The following CLYBL variants were observed in gnomAD, a reference collection of about 807,000 sequenced individuals.
The protein encoded by CLYBL is citramalyl-CoA lyase.
CLYBL carries 31 observed loss-of-function variants against 38.9 expected under a neutral mutation model. That is an observed-to-expected ratio of 0.80 (90% CI 0.60 to 1.08). The LOEUF is 1.08. Ranked by LOEUF, CLYBL falls within the 50% of genes least tolerant of loss-of-function variation. CLYBL has a pLI of 0.00. For synonymous variants in CLYBL, 171 were observed against 158.6 expected (o/e 1.08, Z -0.59); for missense variants, 434 against 411.6 (o/e 1.05, Z -0.47).
intron 1 of CLYBL, among the ~76,000 whole-genome samples, chr13:99,609,310 G>T (rs1274643450): frequency 6.6e-5 from 10 of 150,786 alleles, no homozygotes; most frequent in Non-Finnish European, 1.3e-4. Flanking sequence ...CCGAGTAGTT[G>T]GGATTACAGG....
chr13:99,796,927 CT>C (rs1017589486), intron 2 of CLYBL, among the ~76,000 whole-genome samples: 3 of 152,112 alleles, frequency 2.0e-5, no homozygotes, highest in Non-Finnish European at 4.4e-5. Context: ...AGGCTCTTGG[CT>C]TTGTGAAGAG....
At chr13:99,625,966 G>A (rs951331040) in intron 1 of CLYBL, among the ~76,000 whole-genome samples, 4 of 152,326 alleles carry the variant, frequency 2.6e-5, no homozygotes, top group Non-Finnish European at 4.4e-5. Context: ...AGAAGGGTGC[G>A]GTGTGAGGTG....
intron 1 of CLYBL, among the ~76,000 whole-genome samples, chr13:99,625,351 G>T (rs568507776): frequency 2.0e-5 from 3 of 152,196 alleles, no homozygotes; most frequent in African/African-American, 7.2e-5. Context: ...GATTAGCAGC[G>T]TTTAGGCTCC....
chr13:99,751,264 A>T (rs2048952034), intron 1 of CLYBL, among the ~76,000 whole-genome samples: 1 of 151,640 alleles, frequency 6.6e-6, no homozygotes, highest in African/African-American at 2.4e-5. Context: ...TCTGTCACCC[A>T]GGCTGGAGTG....
intron 1 of CLYBL, among the ~76,000 whole-genome samples, chr13:99,716,787 CTT>C (rs1260332084): frequency 3.0e-5 from 3 of 100,896 alleles, no homozygotes; most frequent in Middle Eastern, 8.2e-3. Flanking sequence ...CTTTTCTTTT[CTT>C]TTTTTTTTTT....
In CLYBL at chr13:99,841,446, C is replaced by G. The variant is rs546503772; in HGVS notation, c.250-17415C>G. On this transcript the variant is annotated intron_variant, in intron 2 of 8. Transcript: ENST00000339105. ...AGACAGTCTCAGCCTGTCACCCAGG[C>G]TGAAGTGCAGTGGTGTAGTCTCAGC... Among the ~76,000 whole-genome samples, 6 of 152,316 alleles carry G rather than the reference C, an allele frequency of 3.9e-5. No homozygotes were observed. The South Asian group carries it at 6.2e-4, about 16-fold the overall frequency.
At chr13:99,745,303 GAA>G (rs2048829730) in intron 1 of CLYBL, among the ~76,000 whole-genome samples, 2 of 152,220 alleles carry the variant, frequency 1.3e-5, no homozygotes, top group South Asian at 4.1e-4. Context: ...GTATTTACAA[GAA>G]AAGTGTTACT....
At chr13:99,783,306 G>T (rs1342207263) in intron 2 of CLYBL, among the ~76,000 whole-genome samples, 1 of 151,948 alleles carries the variant, frequency 6.6e-6, no homozygotes, top group Non-Finnish European at 1.5e-5. Flanking sequence ...GCCTCCCAAA[G>T]TACTGGAATT....
At chr13:99,763,284 G>A (rs888144036) in intron 1 of CLYBL, among the ~76,000 whole-genome samples, 1 of 152,082 alleles carries the variant, frequency 6.6e-6, no homozygotes, top group South Asian at 2.1e-4. Flanking sequence ...TCCCTGTTCA[G>A]GATGATGTTA....
chr13:99,668,585 CAAAAAA>C lies in CLYBL; in HGVS notation c.62+61837_62+61842del, dbSNP rs61178644. On this transcript the variant is annotated intron_variant, in intron 1 of 8. Transcript: ENST00000339105. ...TGGGAGACAGAGCGAAACTCCATCT[CAAAAAA>C]AAAAAAAAGAAAAAAAGAATATTGG... 3.0e-5 allele frequency among the ~76,000 whole-genome samples: 4 copies of C among 133,734 alleles called. 1 individual carries two copies. The highest frequency in any genetic ancestry group is 1.1e-4 in the African/African-American group (4 of 35,362). The allele number at this position is 133,734 out of a possible 152,430, so 87.7% of individuals were successfully genotyped here.
intron 1 of CLYBL, among the ~76,000 whole-genome samples, chr13:99,734,475 A>T (rs1471284602): frequency 6.6e-6 from 1 of 152,082 alleles, no homozygotes; most frequent in South Asian, 2.1e-4. Context: ...ACTTTCCTTT[A>T]GTGCAAACTA....
In CLYBL at chr13:99,724,684, C is replaced by T. The variant is rs188843102; in HGVS notation, c.63-48140C>T. ...TCTTGTTTTGGTGGGGAGTTGAGCA[C>T]GAGCAGAACGCACCGAGTTACACAC... On this transcript the variant is annotated intron_variant, in intron 1 of 8. Transcript: ENST00000339105. Among the ~76,000 whole-genome samples, 205 of 152,064 alleles carry T rather than the reference C, an allele frequency of 1.3e-3. 1 individual carries two copies. Among genetic ancestry groups the T allele is most frequent in the Admixed American group, 3.6e-3 (55 of 15,270 alleles).
intron 2 of CLYBL, among the ~76,000 whole-genome samples, chr13:99,804,258 A>G (rs75327846): frequency 0.011 from 1,712 of 152,370 alleles, 11 homozygotes; most frequent in Middle Eastern, 0.041. Flanking sequence ...TTTGGGCCAC[A>G]TGGCCCCCAA....
At chr13:99,608,307 G>A (rs1963727) in intron 1 of CLYBL, among the ~76,000 whole-genome samples, 125,698 of 151,934 alleles carry the variant, frequency 0.83, 52,049 homozygotes, top group Middle Eastern at 0.9. Context: ...TCCTGACCTC[G>A]GGTGATCCAC....
intron 1 of CLYBL, among the ~76,000 whole-genome samples, chr13:99,695,445 CA>C (rs1278081363): frequency 1.3e-5 from 2 of 152,046 alleles, no homozygotes; most frequent in African/African-American, 4.8e-5. Flanking sequence ...GATGAGAGAA[CA>C]AAAGGGTTTG....
intron 2 of CLYBL, among the ~76,000 whole-genome samples, chr13:99,838,901 A>C (rs574909582): frequency 6.6e-6 from 1 of 152,308 alleles, no homozygotes; most frequent in East Asian, 1.9e-4. Flanking sequence ...GGCCTCCCAA[A>C]GTGCTGGGAT....
intron 1 of CLYBL, among the ~76,000 whole-genome samples, chr13:99,675,087 G>A (rs1430531380): frequency 3.3e-5 from 5 of 152,182 alleles, no homozygotes; most frequent in African/African-American, 9.7e-5. Context: ...ATTTAGCCAC[G>A]TGGGGGTCAT....
At chr13:99,675,130 G>A (rs377515817) in intron 1 of CLYBL, among the ~76,000 whole-genome samples, 9 of 152,240 alleles carry the variant, frequency 5.9e-5, no homozygotes, top group African/African-American at 2.2e-4. Context: ...TTTGGTAGAA[G>A]CATGGAATGG....
chr13:99,815,541 C>T (rs1044720785), intron 2 of CLYBL, among the ~76,000 whole-genome samples: 6 of 152,042 alleles, frequency 3.9e-5, no homozygotes, highest in Admixed American at 6.6e-5. Flanking sequence ...GCGATGATGG[C>T]GCCACCGCAT....
Sources: allele counts gnomAD v4.1 joint callset (sites outside exome capture counted in the v4.1 genomes callset), GRCh38; gene constraint gnomAD v4.1.1; transcripts MANE v1.5; gene names NCBI Gene and HGNC (gene_info 2026-07-23, HGNC 2026-07-21).